Variants in BMERB1 observed in about 807,000 individuals in gnomAD.
The protein encoded by BMERB1 is bMERB domain containing 1.
In BMERB1, 12 loss-of-function variants were observed where a neutral mutation model predicts 23.6. That is an observed-to-expected ratio of 0.51 (90% CI 0.33 to 0.82). The LOEUF is 0.82. Ranked by LOEUF, BMERB1 falls within the 40% of genes least tolerant of loss-of-function variation. The pLI, the probability that BMERB1 is intolerant of heterozygous loss-of-function variation, is 0.03. For synonymous variants in BMERB1, 122 were observed against 96.6 expected (o/e 1.26, Z -1.54); for missense variants, 247 against 255.4 (o/e 0.97, Z 0.22).
chr16:15,573,167 T>A (rs1292910858), intron 3 of BMERB1, among the ~76,000 whole-genome samples: 1 of 152,156 alleles, frequency 6.6e-6, no homozygotes, highest in Non-Finnish European at 1.5e-5. Flanking sequence ...AAGGAAACAG[T>A]TTATTTGCAA....
intron 2 of BMERB1, among the ~76,000 whole-genome samples, chr16:15,523,987 T>C (rs541631482): frequency 1.3e-5 from 2 of 152,246 alleles, no homozygotes; most frequent in South Asian, 4.2e-4. Context: ...CCTGGGGCCT[T>C]GATTTTATTA....
chr16:15,571,936 A>G (rs542021829), intron 3 of BMERB1, among the ~76,000 whole-genome samples: 103 of 152,082 alleles, frequency 6.8e-4, no homozygotes, highest in African/African-American at 2.4e-3. Context: ...TTCCCCTTTA[A>G]ATATTGAAGT....
chr16:15,450,922 C>A (rs920548979), intron 1 of BMERB1, among the ~76,000 whole-genome samples: 1 of 152,114 alleles, frequency 6.6e-6, no homozygotes, highest in African/African-American at 2.4e-5. Context: ...TGTGAGGTTC[C>A]ACGTTCCATC....
At chr16:15,472,964 G>A (rs2051242880) in intron 1 of BMERB1, among the ~76,000 whole-genome samples, 1 of 150,492 alleles carries the variant, frequency 6.6e-6, no homozygotes, top group Non-Finnish European at 1.5e-5. Flanking sequence ...GGTTCAAGCA[G>A]TTCTCATGCC....
At chr16:15,527,760 T>G (rs1234012999) in intron 2 of BMERB1, among the ~76,000 whole-genome samples, 1 of 152,154 alleles carries the variant, frequency 6.6e-6, no homozygotes, top group Non-Finnish European at 1.5e-5. Context: ...TAACTCAATC[T>G]GTCCAAGTCA....
chr16:15,574,971 C>T (rs1185079724), intron 3 of BMERB1, among the ~76,000 whole-genome samples: 2 of 152,098 alleles, frequency 1.3e-5, no homozygotes, highest in South Asian at 2.1e-4. Context: ...TCCAGCTACT[C>T]GGGAGACTGA....
chr16:15,474,049 G>A (rs932352627), intron 1 of BMERB1, among the ~76,000 whole-genome samples: 2 of 151,398 alleles, frequency 1.3e-5, no homozygotes, highest in Admixed American at 1.3e-4. Flanking sequence ...GAACCCAGGA[G>A]GTGGAGCTTG....
intron 1 of BMERB1, among the ~76,000 whole-genome samples, chr16:15,469,899 ATC>A: frequency 6.6e-6 from 1 of 152,154 alleles, no homozygotes; most frequent in East Asian, 1.9e-4. Context: ...GTTATTGGAG[ATC>A]TACGTAGACA....
intron 1 of BMERB1, among the ~76,000 whole-genome samples, chr16:15,465,273 A>G (rs2051171093): frequency 6.6e-6 from 1 of 152,108 alleles, no homozygotes; most frequent in African/African-American, 2.4e-5. Context: ...CTCTCCAAAT[A>G]AAAAGCTAAA....
chr16:15,485,714 CA>C (rs918047308), intron 1 of BMERB1, among the ~76,000 whole-genome samples: 179 of 131,660 alleles, frequency 1.4e-3, no homozygotes, highest in Admixed American at 1.5e-3. Context: ...CCCCCCAGGC[CA>C]AAAAAAAAAA....
chr16:15,564,296 GT>G (rs35667970), intron 2 of BMERB1, among the ~76,000 whole-genome samples: 1 of 151,976 alleles, frequency 6.6e-6, no homozygotes, highest in Non-Finnish European at 1.5e-5. Context: ...TTTTTTACAT[GT>G]TTTTTTGTGT....
intron 2 of BMERB1, among the ~76,000 whole-genome samples, chr16:15,562,990 G>A (rs543197243): frequency 6.6e-6 from 1 of 152,234 alleles, no homozygotes; most frequent in Non-Finnish European, 1.5e-5. Context: ...AGCATGAGTT[G>A]TTCTTGAGTG....
chr16:15,512,547 C>G (rs931181238), intron 1 of BMERB1, among the ~76,000 whole-genome samples: 1 of 151,896 alleles, frequency 6.6e-6, no homozygotes, highest in South Asian at 2.1e-4. Context: ...AAGTTCCAGA[C>G]CAGTCTGGGC....
chr16:15,545,614 A>G (rs1395346455), intron 2 of BMERB1, among the ~76,000 whole-genome samples: 3 of 152,108 alleles, frequency 2.0e-5, no homozygotes, highest in Non-Finnish European at 2.9e-5. Flanking sequence ...TGGATCAAGA[A>G]AGCCCCAGAG....
At chr16:15,577,038 G>C (rs1271495037) in intron 3 of BMERB1, 1 of 152,222 alleles carries the variant, frequency 6.6e-6, no homozygotes, top group Non-Finnish European at 1.5e-5. Flanking sequence ...CGTTTGCATA[G>C]TGCATGGGAA....
chr16:15,567,752 G>A (rs2030615927), intron 2 of BMERB1, among the ~76,000 whole-genome samples: 1 of 152,096 alleles, frequency 6.6e-6, no homozygotes, highest in Non-Finnish European at 1.5e-5. Context: ...AACAGAGTGA[G>A]ACTCTGTCAC....
At chr16:15,497,281 A>T (rs1477071255) in intron 1 of BMERB1, among the ~76,000 whole-genome samples, 1 of 152,196 alleles carries the variant, frequency 6.6e-6, no homozygotes, top group Non-Finnish European at 1.5e-5. Flanking sequence ...AAGAGATGTA[A>T]CAATGTGTAA....
chr16:15,498,833 C>T (rs1439250419), intron 1 of BMERB1, among the ~76,000 whole-genome samples: 1 of 152,224 alleles, frequency 6.6e-6, no homozygotes, highest in Non-Finnish European at 1.5e-5. Flanking sequence ...GAGGATGCTA[C>T]TGGCAGCCAG....
At chr16:15,569,616 T>C (rs2030673561) in intron 3 of BMERB1, among the ~76,000 whole-genome samples, 1 of 152,180 alleles carries the variant, frequency 6.6e-6, no homozygotes, top group Admixed American at 6.5e-5. Flanking sequence ...TCAGAATGGA[T>C]GCTGCTGATT....
Sources: allele counts gnomAD v4.1 joint callset (sites outside exome capture counted in the v4.1 genomes callset), GRCh38; gene constraint gnomAD v4.1.1; transcripts MANE v1.5; gene names NCBI Gene and HGNC (gene_info 2026-07-23, HGNC 2026-07-21).